The following PTPRD variants were observed in gnomAD, a reference collection of about 807,000 sequenced individuals.
PTPRD encodes the protein protein tyrosine phosphatase receptor type D.
A neutral mutation model predicts 214.5 loss-of-function variants in PTPRD; 34 were observed. The ratio of observed to expected loss-of-function variants is 0.16; its 90% CI spans 0.12 to 0.21. The LOEUF (loss-of-function observed/expected upper bound fraction) is 0.21, where lower values mean the gene tolerates loss of function less well. PTPRD is among the 10% of genes least tolerant of loss of function. The pLI, the probability that PTPRD is intolerant of heterozygous loss-of-function variation, is 1.00. For synonymous variants in PTPRD, 1,128 were observed against 845.7 expected, an observed-to-expected ratio of 1.33 and a Z score of -5.79; for missense variants, 2,545 against 2,398.7, an observed-to-expected ratio of 1.06 and a Z score of -1.27.
intron 7 of PTPRD, among the ~76,000 whole-genome samples, chr9:9,576,804 A>C (rs1592021638): frequency 6.6e-6 from 1 of 152,188 alleles, no homozygotes; most frequent in African/African-American, 2.4e-5. Flanking sequence ...AGAAACAATA[A>C]TTTATTTTAG....
At chr9:9,140,911 T>G (rs975497635) in intron 10 of PTPRD, among the ~76,000 whole-genome samples, 4 of 152,104 alleles carry the variant, frequency 2.6e-5, no homozygotes, top group Non-Finnish European at 4.4e-5. Context: ...CTCCCATTTC[T>G]TTTTCTTCCT....
intron 5 of PTPRD, among the ~76,000 whole-genome samples, chr9:9,783,863 A>C (rs898854187): frequency 6.6e-6 from 1 of 151,424 alleles, no homozygotes; most frequent in African/African-American, 2.4e-5. Flanking sequence ...GCTCAAGAGT[A>C]AAATGAACCA....
intron 3 of PTPRD, among the ~76,000 whole-genome samples, chr9:10,182,766 T>G (rs901816295): frequency 6.6e-6 from 1 of 152,134 alleles, no homozygotes; most frequent in Non-Finnish European, 1.5e-5. Context: ...GTACTTCAAG[T>G]GGGTGTATAA....
chr9:8,920,741 A>C (rs2098821730), intron 11 of PTPRD, among the ~76,000 whole-genome samples: 1 of 152,226 alleles, frequency 6.6e-6, no homozygotes, highest in African/African-American at 2.4e-5. Context: ...TTGATATAAG[A>C]CAGAATACTA....
intron 5 of PTPRD, among the ~76,000 whole-genome samples, chr9:9,876,055 T>C (rs1398948831): frequency 2.0e-5 from 3 of 151,934 alleles, no homozygotes; most frequent in African/African-American, 7.3e-5. Flanking sequence ...AAGGAAGGAA[T>C]AAAGGATAGT....
At chr9:8,881,018 C>T (rs982294655) in intron 11 of PTPRD, among the ~76,000 whole-genome samples, 1 of 152,136 alleles carries the variant, frequency 6.6e-6, no homozygotes, top group African/African-American at 2.4e-5. Flanking sequence ...CCACCCACCT[C>T]GGCCTCCCAA....
chr9:9,079,972 A>T (rs2099756717), intron 10 of PTPRD, among the ~76,000 whole-genome samples: 1 of 152,088 alleles, frequency 6.6e-6, no homozygotes, highest in Non-Finnish European at 1.5e-5. Flanking sequence ...TGATGAAGCT[A>T]CCAATACAAT....
At chr9:8,989,843 A>G (rs1244705703) in intron 11 of PTPRD, among the ~76,000 whole-genome samples, 3 of 152,198 alleles carry the variant, frequency 2.0e-5, no homozygotes, top group Non-Finnish European at 4.4e-5. Context: ...TTGCAAAAAG[A>G]AACATTAAGG....
At chr9:9,854,202 T>G (rs1754621610) in intron 5 of PTPRD, among the ~76,000 whole-genome samples, 1 of 152,196 alleles carries the variant, frequency 6.6e-6, no homozygotes, top group Non-Finnish European at 1.5e-5. Context: ...TACTATTTTG[T>G]GCAATCTTTT....
chr9:9,292,917 G>A (rs978263624), intron 9 of PTPRD, among the ~76,000 whole-genome samples: 9 of 151,362 alleles, frequency 5.9e-5, no homozygotes, highest in Admixed American at 4.0e-4. Context: ...CAGAAGTAAA[G>A]GGCCATTCTA....
intron 3 of PTPRD, among the ~76,000 whole-genome samples, chr9:10,298,354 G>T (rs1355860674): frequency 1.3e-5 from 2 of 150,984 alleles, no homozygotes; most frequent in Non-Finnish European, 1.5e-5. Flanking sequence ...GAACCTATTT[G>T]CCAAATTAGA....
At chr9:10,093,037 CT>C (rs1372870653) in intron 3 of PTPRD, among the ~76,000 whole-genome samples, 1 of 151,516 alleles carries the variant, frequency 6.6e-6, no homozygotes, top group African/African-American at 2.4e-5. Context: ...TCAACATTGG[CT>C]TTGGCAAATA....
chr9:9,526,841 A>G (rs906503897), intron 8 of PTPRD, among the ~76,000 whole-genome samples: 3 of 152,300 alleles, frequency 2.0e-5, no homozygotes, highest in South Asian at 4.2e-4. Flanking sequence ...AGTTTAACTT[A>G]TAATGCTTTA....
At chr9:9,576,724 T>C (rs2088965193) in intron 7 of PTPRD, among the ~76,000 whole-genome samples, 1 of 152,206 alleles carries the variant, frequency 6.6e-6, no homozygotes, top group African/African-American at 2.4e-5. Context: ...AAATTAGAAG[T>C]TTTAATTGTT....
rs142206990 is a variant in PTPRD, at chr9:9,586,005, A to G, written c.-286-11224T>C. Among the ~76,000 whole-genome samples, 552 of 152,144 alleles carry G rather than the reference A, an allele frequency of 3.6e-3. 5 individuals are homozygous for G. Among genetic ancestry groups the G allele is most frequent in the Middle Eastern group, 0.034 (10 of 294 alleles). On this transcript the variant is annotated intron_variant, in intron 7 of 45. Coordinates refer to ENST00000381196, the MANE Select transcript of PTPRD (RefSeq NM_002839.4). ...TAGTTCCGAGTTGGAAGCAGTGGAT[A>G]AAAATTAAGGAAGTTGGTAGTCAGT...
chr9:10,487,710 A>C (rs2757851), intron 2 of PTPRD, among the ~76,000 whole-genome samples: 32,390 of 149,642 alleles, frequency 0.22, 3,692 homozygotes, highest in East Asian at 0.36. Context: ...TGGGGGGTGG[A>C]GGGTGAGGGG....
chr9:10,537,253 A>G (rs2058045912), intron 2 of PTPRD, among the ~76,000 whole-genome samples: 1 of 152,198 alleles, frequency 6.6e-6, no homozygotes, highest in Admixed American at 6.5e-5. Flanking sequence ...AGTTTATTCT[A>G]GAGCTGACAT....
At chr9:10,186,934 T>A (rs532468655) in intron 3 of PTPRD, among the ~76,000 whole-genome samples, 6 of 152,308 alleles carry the variant, frequency 3.9e-5, no homozygotes, top group Non-Finnish European at 7.4e-5. Context: ...ATTAATGTTC[T>A]TGAGAGCAGT....
intron 30 of PTPRD, among the ~76,000 whole-genome samples, chr9:8,482,583 G>C (rs993306381): frequency 6.6e-6 from 1 of 152,036 alleles, no homozygotes; most frequent in African/African-American, 2.4e-5. Flanking sequence ...TTCCAAACAG[G>C]TAGCACAATA....
Sources: allele counts gnomAD v4.1 joint callset (sites outside exome capture counted in the v4.1 genomes callset), GRCh38; gene constraint gnomAD v4.1.1; transcripts MANE v1.5; gene names NCBI Gene and HGNC (gene_info 2026-07-23, HGNC 2026-07-21).